The following ZNF689 variants were observed in gnomAD, a reference collection of about 807,000 sequenced individuals.
ZNF689 encodes the protein short ORF-encoded histone-binding protein.
A neutral mutation model predicts 37.2 loss-of-function variants in ZNF689; 14 were observed. The observed-to-expected ratio is 0.38, with a 90% CI of 0.25 to 0.59. The LOEUF is 0.59. Ranked by LOEUF, ZNF689 falls within the 20% of genes least tolerant of loss-of-function variation. The probability of loss-of-function intolerance (pLI) is 0.68; values close to 1 mark genes in which losing one functional copy is unlikely to be tolerated. For synonymous variants in ZNF689, 277 were observed against 283.3 expected (o/e 0.98, Z 0.22); for missense variants, 573 against 700.2 (o/e 0.82, Z 2.05).
At position 30,605,459 on chromosome 16, in the gene ZNF689, C is replaced by A; in HGVS notation, c.320-12G>T. 6.2e-7 allele frequency: 1 copy of A among 1,604,334 alleles called. No homozygotes were observed. Among genetic ancestry groups the A allele is most frequent in the Non-Finnish European group, 8.5e-7 (1 of 1,176,768 alleles). ...TCTGGTTCTGCTTTCTATAGAAATACAGAAGCATTAATTTAACAAATACTG... is the reference window on the plus strand; with the variant it reads ...TCTGGTTCTGCTTTCTATAGAAATAAAGAAGCATTAATTTAACAAATACTG... On this transcript the variant is annotated splice_polypyrimidine_tract_variant and intron_variant, in intron 2 of 2. Coordinates refer to ENST00000287461, the MANE Select transcript of ZNF689 (RefSeq NM_138447.3). This position sits in a 1 kb window ranked among gnomAD's most constrained non-coding sequence, Gnocchi z 5.1.
In ZNF689 at chr16:30,603,708, T is replaced by A. The variant is rs1596584112; in HGVS notation, c.*556A>T. ...AGTATTAAACATGTCGTAGGCAAGGTTTAGAGGAGAATGTGGTACTTAACC... is the reference window on the plus strand; with the variant it reads ...AGTATTAAACATGTCGTAGGCAAGGATTAGAGGAGAATGTGGTACTTAACC... On this transcript the variant is annotated 3_prime_UTR_variant, in exon 3 of 3. Transcript: ENST00000287461. The A allele has an allele frequency of 4.8e-6, 1 of 207,424 alleles. No homozygotes were observed. Among genetic ancestry groups the A allele is most frequent in the East Asian group, 1.3e-4 (1 of 7,946 alleles). 12.8% of individuals were successfully genotyped at this position (207,424 alleles called of 1,614,324 possible). A position where few individuals can be genotyped will look rare whatever the true frequency, so the allele number is the denominator to read the frequency against.
At position 30,605,951 on chromosome 16, in the gene ZNF689, CAAAAA is replaced by C. The variant is rs1213916674; in HGVS notation, c.320-509_320-505del. On this transcript the variant is annotated intron_variant, in intron 2 of 2. Coordinates refer to ENST00000287461, the MANE Select transcript of ZNF689 (RefSeq NM_138447.3). The surrounding 1 kb of genome is among the most constrained non-coding windows in gnomAD (Gnocchi z 5.1). ...TGGGCGAGAGAGCGAGATTCCATCT[CAAAAA>C]AAAAAAAAAAAGGAATATTTTTGAA... Among the ~76,000 whole-genome samples the C allele has an allele frequency of 1.5e-5, 1 of 66,092 alleles. No homozygotes were observed. The allele number at this position is 66,092 out of a possible 152,430, so 43.4% of individuals were successfully genotyped here. A position where few individuals can be genotyped will look rare whatever the true frequency, so the allele number is the denominator to read the frequency against.
rs1213344922 is a variant in ZNF689 at position 30,605,439 on chromosome 16, T to A, written c.328A>T (p.Thr110Ser). Reference sequence around the variant, plus strand: ...TCCTTCTCCCCATTCTTCTTTCTGGTTCTGCTTTCTATAGAAATACAGAAG... The same window carrying A: ...TCCTTCTCCCCATTCTTCTTTCTGGATCTGCTTTCTATAGAAATACAGAAG... ...RGLTVQRKSRTRKKNGEKEVF... is the reference protein window; with the variant it reads ...RGLTVQRKSRSRKKNGEKEVF... The change falls in exon 3 of 3, where the codon ACC becomes TCC. Residue 110 changes from threonine to serine, a missense_variant. Coordinates refer to ENST00000287461, the MANE Select transcript of ZNF689 (RefSeq NM_138447.3). This position sits in a 1 kb window ranked among gnomAD's most constrained non-coding sequence, Gnocchi z 5.1. The A allele has an allele frequency of 6.2e-7, 1 of 1,611,694 alleles. No homozygotes were observed. Among genetic ancestry groups the A allele is most frequent in the South Asian group, 1.1e-5 (1 of 90,810 alleles).
intron 2 of ZNF689, among the ~76,000 whole-genome samples, chr16:30,607,523 A>C (rs1285036117): frequency 2.0e-5 from 3 of 151,762 alleles, no homozygotes; most frequent in East Asian, 3.9e-4. Flanking sequence ...ACCGGAAGGC[A>C]AAGGTTGCAG....
rs1343044763 is a variant in ZNF689, at chr16:30,602,993, C to G, written c.*1271G>C. On this transcript the variant is annotated 3_prime_UTR_variant, in exon 3 of 3. Coordinates refer to ENST00000287461, the MANE Select transcript of ZNF689 (RefSeq NM_138447.3). ...GGATACAACTTGATGACTATAGACT[C>G]TTCCTCTCTGGATTCAGTTCCCTCT... 6.6e-6 allele frequency: 1 copy of G among 152,240 alleles called. No individual in the cohort carries two copies. Among genetic ancestry groups the G allele is most frequent in the Non-Finnish European group, 1.5e-5 (1 of 68,052 alleles). The allele number at this position is 152,240 out of a possible 1,614,324, so 9.4% of individuals were successfully genotyped here. A position where few individuals can be genotyped will look rare whatever the true frequency, so the allele number is the denominator to read the frequency against.
In ZNF689 at chr16:30,602,934, C is replaced by T. The variant is rs965513888; in HGVS notation, c.*1330G>A. The T allele has an allele frequency of 6.6e-6, 1 of 152,236 alleles. No individual in the cohort carries two copies. The highest frequency in any genetic ancestry group is 1.5e-5 in the Non-Finnish European group (1 of 68,060). The allele number at this position is 152,236 out of a possible 1,614,324, so 9.4% of individuals were successfully genotyped here. A position where few individuals can be genotyped will look rare whatever the true frequency, so the allele number is the denominator to read the frequency against. On this transcript the variant is annotated 3_prime_UTR_variant, in exon 3 of 3. Transcript: ENST00000287461. ...CATGGAGGTGGATCAGATTGAGCCACGCTGCTGCCACCTCTGTGGAGGGAG... is the reference window on the plus strand; with the variant it reads ...CATGGAGGTGGATCAGATTGAGCCATGCTGCTGCCACCTCTGTGGAGGGAG...
chr16:30,610,588 C>G (rs2052088258), upstream of ZNF689: 1 of 153,540 alleles, frequency 6.5e-6, no homozygotes, highest in African/African-American at 2.4e-5. Context: ...TTGCACCGAC[C>G]TGGGGGCAGC....
chr16:30,609,141 A>C (rs777328665), intron 2 of ZNF689, among the ~76,000 whole-genome samples: 2 of 152,138 alleles, frequency 1.3e-5, no homozygotes, highest in African/African-American at 2.4e-5. Context: ...GCACCTGTTA[A>C]AAGCTCACTG....
At chr16:30,609,267 C>CAA (rs77079521) in intron 2 of ZNF689, among the ~76,000 whole-genome samples, 775 of 60,546 alleles carry the variant, frequency 0.013, 21 homozygotes, top group African/African-American at 0.029. Flanking sequence ...AATGTTTCTA[C>CAA]AAAAAAAAAA....
intron 2 of ZNF689, among the ~76,000 whole-genome samples, chr16:30,607,248 C>CAAAAAAAAA (rs758625831): frequency 1.1e-4 from 2 of 18,602 alleles, no homozygotes; most frequent in Non-Finnish European, 1.6e-4. Flanking sequence ...GACTCCATCT[C>CAAAAAAAAA]AAAAAAAAAA....
intron 2 of ZNF689, among the ~76,000 whole-genome samples, chr16:30,607,590 CAA>C (rs879874483): frequency 2.2e-5 from 3 of 135,874 alleles, no homozygotes; most frequent in African/African-American, 2.7e-5. Flanking sequence ...AACTCCGTCT[CAA>C]AAAAAAAAAA....
intron 1 of ZNF689, 37 bp from the exon 2 acceptor site, chr16:30,609,675 G>C (rs1258379385): frequency 3.7e-6 from 6 of 1,613,276 alleles, no homozygotes; most frequent in East Asian, 2.2e-5. Flanking sequence ...CCAGCTCCTA[G>C]ATCACGCCGA....
At position 30,604,843 on chromosome 16, in the gene ZNF689, C is replaced by A; in HGVS notation, c.924G>T (p.Gln308His). The A allele has an allele frequency of 6.2e-7, 1 of 1,600,564 alleles. No individual in the cohort carries two copies. Among genetic ancestry groups the A allele is most frequent in the Non-Finnish European group, 8.5e-7 (1 of 1,173,272 alleles). ...FRQRTALVIH[Q>H]RIHTGEKPYP... is the part of the protein sequence containing the mutation. ...AGGGCTTCTCGCCCGTGTGGATGCG[C>A]TGGTGGATGACGAGGGCCGTGCGCT... The change falls in exon 3 of 3, where the codon CAG becomes CAT. Residue 308 changes from glutamine to histidine, a missense_variant. Gln to His is a conservative substitution (Grantham distance 24, BLOSUM62 0). Around this residue, in one of 3 missense-constraint regions of ZNF689, gnomAD observed 317 missense variants for 367.1 expected, o/e 0.86. Transcript: ENST00000287461. The surrounding 1 kb of genome is among the most constrained non-coding windows in gnomAD (Gnocchi z 5.2).
At position 30,608,315 on chromosome 16, in the gene ZNF689, G is replaced by C. The variant is rs147386694; in HGVS notation, c.319+1210C>G. ...TTCCCCCAAGATGGAGTCTCACTGTGGCACCCAGGCTGGAGTACACTGGCA... is the reference window on the plus strand; with the variant it reads ...TTCCCCCAAGATGGAGTCTCACTGTCGCACCCAGGCTGGAGTACACTGGCA... On this transcript the variant is annotated intron_variant, in intron 2 of 2. Coordinates refer to ENST00000287461, the MANE Select transcript of ZNF689 (RefSeq NM_138447.3). The C allele has an allele frequency of 4.0e-5, 6 of 151,850 alleles. No individual in the cohort carries two copies. In the East Asian group the frequency reaches 1.2e-3, roughly 29 times the overall value. The allele number at this position is 151,850 out of a possible 1,614,324, so 9.4% of individuals were successfully genotyped here.
At position 30,609,521 on chromosome 16, in the gene ZNF689, T is replaced by G. The variant is rs750929771; in HGVS notation, c.319+4A>C. ...CAGGCTCTGCGTGGTTATTTAGCAC[T>G]CACTTCTCTGGACTGTTAGCCCTCT... On this transcript the variant is annotated splice_donor_region_variant and intron_variant, in intron 2 of 2. Transcript: ENST00000287461. The G allele has an allele frequency of 2.5e-6, 4 of 1,613,296 alleles. No homozygotes were observed. In the Admixed American group the frequency reaches 5.0e-5, roughly 20 times the overall value.
Position 30,603,157 on chromosome 16 carries a change from T to C in ZNF689, c.*1107A>G, listed in dbSNP as rs2051995358. On this transcript the variant is annotated 3_prime_UTR_variant, in exon 3 of 3. Coordinates refer to ENST00000287461, the MANE Select transcript of ZNF689 (RefSeq NM_138447.3). ...ATCAGGGTCAAGTACGGCCCAATTCTCCAGGCTTTTCCAGGCACTGGCTGC... is the reference window on the plus strand; with the variant it reads ...ATCAGGGTCAAGTACGGCCCAATTCCCCAGGCTTTTCCAGGCACTGGCTGC... 6.6e-6 allele frequency: 1 copy of C among 152,126 alleles called. No homozygotes were observed. The highest frequency in any genetic ancestry group is 1.5e-5 in the Non-Finnish European group (1 of 68,028). 9.4% of individuals were successfully genotyped at this position (152,126 alleles called of 1,614,324 possible).
Position 30,604,082 on chromosome 16 carries a change from T to C in ZNF689, c.*182A>G. On this transcript the variant is annotated 3_prime_UTR_variant, in exon 3 of 3. Coordinates refer to ENST00000287461, the MANE Select transcript of ZNF689 (RefSeq NM_138447.3). The surrounding 1 kb of genome is among the most constrained non-coding windows in gnomAD (Gnocchi z 5.2). Reference sequence around the variant, plus strand: ...TTTAAGCAAATGACGTCACCTCTCCTAATGGGACTGTTCCAGACACGCACA... The same window carrying C: ...TTTAAGCAAATGACGTCACCTCTCCCAATGGGACTGTTCCAGACACGCACA... 2.7e-6 allele frequency: 2 copies of C among 748,188 alleles called. No individual in the cohort carries two copies. The highest frequency in any genetic ancestry group is 1.5e-5 in the South Asian group (1 of 67,560). 46.3% of individuals were successfully genotyped at this position (748,188 alleles called of 1,614,324 possible). A position where few individuals can be genotyped will look rare whatever the true frequency, so the allele number is the denominator to read the frequency against.
At position 30,610,184 on chromosome 16, in the gene ZNF689, C is replaced by T. The variant is rs998251578; in HGVS notation, c.-143G>A. ...CCGGAGGGAATCGGAATTGGTCGCCCGCGGGGCTAACGGAAACCTTTTGCT... is the reference window on the plus strand; with the variant it reads ...CCGGAGGGAATCGGAATTGGTCGCCTGCGGGGCTAACGGAAACCTTTTGCT... On this transcript the variant is annotated 5_prime_UTR_variant, in exon 1 of 3. Transcript: ENST00000287461. 2.0e-6 allele frequency: 2 copies of T among 1,007,100 alleles called. No homozygotes were observed. Among genetic ancestry groups the T allele is most frequent in the African/African-American group, 1.6e-5 (1 of 60,974 alleles). The allele number at this position is 1,007,100 out of a possible 1,614,324, so 62.4% of individuals were successfully genotyped here.
At position 30,605,476 on chromosome 16, in the gene ZNF689, C is replaced by A. The variant is rs747891937; in HGVS notation, c.320-29G>T. 10 of 1,596,308 alleles carry A rather than the reference C, an allele frequency of 6.3e-6. No homozygotes were observed. The highest frequency in any genetic ancestry group is 3.3e-4 in the Middle Eastern group (2 of 5,990). ...TAGAAATACAGAAGCATTAATTTAA[C>A]AAATACTGGGCTCCTGCTCTTGTCA... On this transcript the variant is annotated intron_variant, in intron 2 of 2. Coordinates refer to ENST00000287461, the MANE Select transcript of ZNF689 (RefSeq NM_138447.3). The surrounding 1 kb of genome is among the most constrained non-coding windows in gnomAD (Gnocchi z 5.1).
Sources: gnomAD v4.1 joint callset for allele counts (sites outside exome capture counted in the v4.1 genomes callset) on GRCh38, gnomAD v4.1.1 for gene constraint, gnomAD v4.1.1 regional missense constraint, Gnocchi (gnomAD v3.1) non-coding constraint, MANE v1.5 for transcripts, NCBI Gene and HGNC (gene_info 2026-07-23, HGNC 2026-07-21) for gene names.